HPSE2: variants seen among roughly 807,000 people sequenced by gnomAD.
The protein encoded by HPSE2 is inactive heparanase-2.
Under a neutral mutation model 60.5 loss-of-function variants are expected in HPSE2, and 38 were observed. The ratio of observed to expected loss-of-function variants is 0.63; its 90% CI spans 0.48 to 0.82. The LOEUF is 0.82. Among genes scored for constraint, HPSE2 ranks in the 40% least tolerant of loss-of-function variants. HPSE2 has a pLI of 0.00. For missense variants in HPSE2, 713 were observed against 740.4 expected (o/e 0.96, Z 0.43); for synonymous variants, 295 against 293.2 (o/e 1.01, Z -0.06).
the HPSE2 span, among the ~76,000 whole-genome samples, chr10:99,280,821 T>A: frequency 1.3e-5 from 2 of 152,206 alleles, no homozygotes; most frequent in African/African-American, 4.8e-5. Flanking sequence ...GACCTTGAAC[T>A]AGACACTTAA....
At chr10:99,308,590 GC>G in the HPSE2 span, among the ~76,000 whole-genome samples, 1 of 151,938 alleles carries the variant, frequency 6.6e-6, no homozygotes, top group Non-Finnish European at 1.5e-5. Flanking sequence ...ACCTGTGGCT[GC>G]AAGGGTTACC....
At chr10:98,568,031 C>T (rs1411655856) in intron 9 of HPSE2, among the ~76,000 whole-genome samples, 1 of 152,166 alleles carries the variant, frequency 6.6e-6, no homozygotes, top group African/African-American at 2.4e-5. Context: ...CCACATAGCT[C>T]TCAAAAACAT....
chr10:99,156,022 C>T (rs1313692811), intron 2 of HPSE2, among the ~76,000 whole-genome samples: 3 of 150,756 alleles, frequency 2.0e-5, no homozygotes, highest in African/African-American at 7.3e-5. Flanking sequence ...AATTCCTGGA[C>T]ACATACACTC....
chr10:98,614,813 A>G, intron 9 of HPSE2, 91 bp downstream of exon 9: 1 of 897,678 alleles, frequency 1.1e-6, no homozygotes, highest in Non-Finnish European at 1.9e-6. Context: ...TAACAGCAAG[A>G]GGAAAAATAT....
chr10:98,470,205 G>A (rs1225775947), intron 11 of HPSE2, among the ~76,000 whole-genome samples: 1 of 152,114 alleles, frequency 6.6e-6, no homozygotes, highest in Non-Finnish European at 1.5e-5. Context: ...ATAAATACCT[G>A]TTTTATTAAC....
At chr10:99,100,005 C>G (rs1406403067) in intron 3 of HPSE2, among the ~76,000 whole-genome samples, 1 of 152,102 alleles carries the variant, frequency 6.6e-6, no homozygotes, top group African/African-American at 2.4e-5. Flanking sequence ...TCACCATCAT[C>G]AAAGACTAAA....
At chr10:98,640,443 A>C (rs1446230876) in intron 7 of HPSE2, among the ~76,000 whole-genome samples, 1 of 152,210 alleles carries the variant, frequency 6.6e-6, no homozygotes, top group African/African-American at 2.4e-5. Flanking sequence ...TCAGCCTATC[A>C]AACTCTTGAG....
At chr10:98,475,635 G>C (rs1940979693) in intron 11 of HPSE2, among the ~76,000 whole-genome samples, 1 of 152,116 alleles carries the variant, frequency 6.6e-6, no homozygotes, top group African/African-American at 2.4e-5. Flanking sequence ...CTGTGTATAT[G>C]GGGCGGGAAT....
intron 3 of HPSE2, among the ~76,000 whole-genome samples, chr10:98,985,073 T>C (rs1034679415): frequency 2.0e-5 from 3 of 152,198 alleles, no homozygotes; most frequent in African/African-American, 7.2e-5. Flanking sequence ...CTCTGCAGGA[T>C]ATTATCCAGG....
At position 98,937,312 on chromosome 10, in the gene HPSE2, C is replaced by T. The variant is rs1470178290; in HGVS notation, c.611-193256G>A. On this transcript the variant is annotated intron_variant, in intron 3 of 11. Coordinates refer to ENST00000370552, the MANE Select transcript of HPSE2 (RefSeq NM_021828.5). ...GCCTCACTCAGGAAGTGCAAGGAGT[C>T]GGGGAGTTCCCTTTCCTAGTCAAAG... is the stretch of plus-strand genomic sequence containing the variant. Among the ~76,000 whole-genome samples the T allele has an allele frequency of 5.5e-5, 8 of 144,546 alleles. 1 individual carries two copies. Among genetic ancestry groups the T allele is most frequent in the Non-Finnish European group, 1.0e-4 (7 of 67,258 alleles). 94.8% of individuals were successfully genotyped at this position (144,546 alleles called of 152,430 possible).
At chr10:98,564,273 C>T (rs1192247536) in intron 9 of HPSE2, among the ~76,000 whole-genome samples, 1 of 152,192 alleles carries the variant, frequency 6.6e-6, no homozygotes, top group Non-Finnish European at 1.5e-5. Flanking sequence ...GGGCCAAATT[C>T]TGTCTTTGCC....
chr10:99,265,984 T>C, the HPSE2 span, among the ~76,000 whole-genome samples: 1 of 152,214 alleles, frequency 6.6e-6, no homozygotes, highest in Non-Finnish European at 1.5e-5. Flanking sequence ...GTGGGCTCTC[T>C]CAGTCCCCAG....
intron 9 of HPSE2, among the ~76,000 whole-genome samples, chr10:98,522,486 G>GT (rs892712642): frequency 6.6e-6 from 1 of 151,810 alleles, no homozygotes; most frequent in African/African-American, 2.4e-5. Context: ...TTTGTTTTTT[G>GT]TTTTTTTGAG....
At chr10:99,006,319 C>T (rs1160356802) in intron 3 of HPSE2, among the ~76,000 whole-genome samples, 3 of 152,122 alleles carry the variant, frequency 2.0e-5, no homozygotes, top group Admixed American at 1.3e-4. Flanking sequence ...GGCCTGGACC[C>T]TGGATCTGTT....
At chr10:98,683,129 C>T (rs1170082265) in intron 6 of HPSE2, among the ~76,000 whole-genome samples, 1 of 152,010 alleles carries the variant, frequency 6.6e-6, no homozygotes, top group East Asian at 1.9e-4. Context: ...GTTAAGAATC[C>T]CCTAATGACC....
chr10:98,901,816 G>A (rs1953674678), intron 3 of HPSE2, among the ~76,000 whole-genome samples: 1 of 152,132 alleles, frequency 6.6e-6, no homozygotes, highest in African/African-American at 2.4e-5. Context: ...TTCCTCAGCT[G>A]TTAAATATTC....
the HPSE2 span, among the ~76,000 whole-genome samples, chr10:99,302,201 C>T: frequency 2.0e-5 from 3 of 152,158 alleles, no homozygotes; most frequent in African/African-American, 2.4e-5. Context: ...CTTTATTAAT[C>T]GGGGCCCTCC....
intron 3 of HPSE2, among the ~76,000 whole-genome samples, chr10:98,962,299 T>G (rs112473356): frequency 0.14 from 19,068 of 134,900 alleles, 2,068 homozygotes; most frequent in African/African-American, 0.3. Flanking sequence ...GGTAGCTTGA[T>G]GGGGATGGCA....
chr10:99,238,686 A>G (rs1395205941), upstream of HPSE2, among the ~76,000 whole-genome samples: 1 of 152,192 alleles, frequency 6.6e-6, no homozygotes, highest in Non-Finnish European at 1.5e-5. Context: ...CACATATACC[A>G]TATCATGGTT....
Sources: allele counts gnomAD v4.1 joint callset (sites outside exome capture counted in the v4.1 genomes callset), GRCh38; gene constraint gnomAD v4.1.1; transcripts MANE v1.5; gene names NCBI Gene and HGNC (gene_info 2026-07-23, HGNC 2026-07-21).